The following FNBP1 variants were observed in gnomAD, a reference collection of about 807,000 sequenced individuals.
The protein encoded by FNBP1 is formin binding protein 1, also known as formin-binding protein 1.
In FNBP1, 26 loss-of-function variants were observed where a neutral mutation model predicts 90.6. The ratio of observed to expected loss-of-function variants is 0.29; its 90% CI spans 0.21 to 0.40. The LOEUF is 0.40. Among genes scored for constraint, FNBP1 ranks in the 10% least tolerant of loss-of-function variants. The pLI, the probability that FNBP1 is intolerant of heterozygous loss-of-function variation, is 1.00. For missense variants in FNBP1, 635 were observed against 768.0 expected (o/e 0.83, Z 2.05); for synonymous variants, 260 against 265.2 (o/e 0.98, Z 0.19).
At chr9:129,917,852 T>G (rs1233168386) in intron 10 of FNBP1, among the ~76,000 whole-genome samples, 1 of 152,172 alleles carries the variant, frequency 6.6e-6, no homozygotes, top group Non-Finnish European at 1.5e-5. Context: ...CCTGTGAACT[T>G]GAGCATAGAT....
At chr9:129,913,685 C>T (rs1027111123) in intron 11 of FNBP1, among the ~76,000 whole-genome samples, 2 of 151,830 alleles carry the variant, frequency 1.3e-5, no homozygotes, top group Non-Finnish European at 2.9e-5. Flanking sequence ...GCATGAGAAT[C>T]GCTTGAACCC....
rs577077989 is a variant in FNBP1 at position 130,031,487 on chromosome 9, C to T, written c.24+11465G>A. ...ACATACCATTTCCTCCTTCTTTTCC[C>T]GGAAGGCTCTGTCCAGATCCCCTCC... On this transcript the variant is annotated intron_variant, in intron 1 of 16. Coordinates refer to ENST00000446176, the MANE Select transcript of FNBP1 (RefSeq NM_015033.3). This position sits in a 1 kb window ranked among gnomAD's most constrained non-coding sequence, Gnocchi z 4.2. Among the ~76,000 whole-genome samples the T allele has an allele frequency of 5.9e-5, 9 of 152,232 alleles. No individual in the cohort carries two copies. The highest frequency in any genetic ancestry group is 1.4e-4 in the African/African-American group (6 of 41,534).
In FNBP1 at chr9:129,966,247, G is replaced by A. The variant is rs1268234140; in HGVS notation, c.346-7694C>T. Among the ~76,000 whole-genome samples, 1 of 152,198 alleles carries A rather than the reference G, an allele frequency of 6.6e-6. No individual in the cohort carries two copies. Among genetic ancestry groups the A allele is most frequent in the East Asian group, 1.9e-4 (1 of 5,192 alleles). On this transcript the variant is annotated intron_variant, in intron 4 of 16. Coordinates refer to ENST00000446176, the MANE Select transcript of FNBP1 (RefSeq NM_015033.3). The surrounding 1 kb of genome is among the most constrained non-coding windows in gnomAD (Gnocchi z 4.3). Reference sequence around the variant, plus strand: ...TGGGAGTGAACTTACAAGGGTCTGAGGAATACCCTCCAAGCCGCAGGCAGA... The same window carrying A: ...TGGGAGTGAACTTACAAGGGTCTGAAGAATACCCTCCAAGCCGCAGGCAGA...
At chr9:129,896,092 G>T in intron 15 of FNBP1, 96 bp from the exon 16 acceptor site, 1 of 1,327,006 alleles carries the variant, frequency 7.5e-7, no homozygotes, top group Non-Finnish European at 1.0e-6. Context: ...CGTCGAAGAT[G>T]AAGTCCACAC....
At chr9:129,923,549 A>C (rs2041427033) in intron 10 of FNBP1, among the ~76,000 whole-genome samples, 1 of 150,972 alleles carries the variant, frequency 6.6e-6, no homozygotes, top group South Asian at 2.1e-4. Flanking sequence ...ACTGCACTCC[A>C]GCCTGGTGAC....
chr9:129,950,184 C>T (rs7857429), intron 6 of FNBP1, among the ~76,000 whole-genome samples: 152,125 of 152,358 alleles, frequency 1, 75,946 homozygotes, highest in Non-Finnish European at 1. Context: ...AAAAAACTGA[C>T]AGAACAGTCA....
At chr9:129,979,093 T>G (rs1215686095) in intron 3 of FNBP1, among the ~76,000 whole-genome samples, 1 of 152,216 alleles carries the variant, frequency 6.6e-6, no homozygotes, top group East Asian at 1.9e-4. Context: ...TTAATTACAT[T>G]CTAAAGTTTT....
intron 1 of FNBP1, among the ~76,000 whole-genome samples, chr9:129,996,292 T>C (rs1412306695): frequency 6.6e-6 from 1 of 151,824 alleles, no homozygotes; most frequent in South Asian, 2.1e-4. Context: ...ACAGCAAGGA[T>C]ACACAGAATT....
At chr9:129,893,253 A>C (rs989282182) in intron 16 of FNBP1, among the ~76,000 whole-genome samples, 1 of 151,936 alleles carries the variant, frequency 6.6e-6, no homozygotes, top group Non-Finnish European at 1.5e-5. Context: ...AATATCTACA[A>C]AGAGGCCTGG....
At chr9:129,962,012 C>G (rs781308745) in intron 4 of FNBP1, among the ~76,000 whole-genome samples, 9 of 152,148 alleles carry the variant, frequency 5.9e-5, no homozygotes, top group Non-Finnish European at 1.3e-4. Flanking sequence ...TCTCATGAAC[C>G]CTTGCCCTCT....
chr9:130,050,792 C>T, the FNBP1 span, among the ~76,000 whole-genome samples: 2 of 149,618 alleles, frequency 1.3e-5, no homozygotes, highest in East Asian at 4.0e-4. Flanking sequence ...AGGTGCGTGT[C>T]ACCATGCCCG....
At chr9:129,913,130 C>A (rs1201273705) in intron 11 of FNBP1, among the ~76,000 whole-genome samples, 1 of 152,076 alleles carries the variant, frequency 6.6e-6, no homozygotes, top group Non-Finnish European at 1.5e-5. Flanking sequence ...AACGCTTCAA[C>A]CCGGGAGGCG....
chr9:130,045,487 C>G (rs1292870707), upstream of FNBP1, among the ~76,000 whole-genome samples: 1 of 152,102 alleles, frequency 6.6e-6, no homozygotes, highest in Non-Finnish European at 1.5e-5. Context: ...AGAAGTAAAA[C>G]AACCTGCTGC....
At chr9:130,011,269 A>ATATATATATATATATATATAT (rs1322193913) in intron 1 of FNBP1, among the ~76,000 whole-genome samples, 1 of 34,828 alleles carries the variant, frequency 2.9e-5, no homozygotes, top group South Asian at 1.4e-3. Context: ...TATATATATA[A>ATATATATATATATATATATAT]AATATATATA....
chr9:130,003,602 G>A (rs1421639486), intron 1 of FNBP1, among the ~76,000 whole-genome samples: 4 of 151,168 alleles, frequency 2.6e-5, no homozygotes, highest in Non-Finnish European at 5.9e-5. Flanking sequence ...GCGAGACTCT[G>A]TCTCAAAAAA....
chr9:129,913,159 GATC>G (rs530362475), intron 11 of FNBP1, among the ~76,000 whole-genome samples: 55 of 152,226 alleles, frequency 3.6e-4, no homozygotes, highest in African/African-American at 1.3e-3. Context: ...AGTGAGCCAG[GATC>G]ATGCCACTGC....
intron 2 of FNBP1, 71 bp from the exon 3 acceptor site, chr9:129,979,445 A>G (rs2050837588): frequency 3.7e-6 from 4 of 1,084,780 alleles, no homozygotes; most frequent in Admixed American, 4.3e-5. Flanking sequence ...GAAAGATAAC[A>G]TTAGTGCTTT....
Position 129,908,945 on chromosome 9 carries a change from G to A in FNBP1, c.1240C>T (p.Leu414=). 6.2e-7 allele frequency: 1 copy of A among 1,613,792 alleles called. No individual in the cohort carries two copies. Among genetic ancestry groups the A allele is most frequent in the Non-Finnish European group, 8.5e-7 (1 of 1,179,820 alleles). Residue 414 remains leucine, a synonymous_variant, in exon 12 of 17, where the codon CTG becomes TTG. Transcript: ENST00000446176. The part of the protein sequence containing the change: ...NLPPEQRRKK[L]QQKVDELNKE... ...TTTAACTCATCGACTTTCTGCTGCA[G>A]CTTTTTCCTTCTTTGTTCAGGTGGG...
At chr9:130,028,616 C>T (rs1347276638) in intron 1 of FNBP1, among the ~76,000 whole-genome samples, 1 of 152,112 alleles carries the variant, frequency 6.6e-6, no homozygotes, top group Admixed American at 6.6e-5. Context: ...AAACTCTTAA[C>T]AGTCTATACC....
Sources: allele counts gnomAD v4.1 joint callset (sites outside exome capture counted in the v4.1 genomes callset), GRCh38; gene constraint gnomAD v4.1.1; non-coding constraint Gnocchi (gnomAD v3.1); transcripts MANE v1.5; gene names NCBI Gene and HGNC (gene_info 2026-07-23, HGNC 2026-07-21).